Variants in DGLUCY observed in about 807,000 individuals in gnomAD.
DGLUCY encodes D-glutamate cyclase.
DGLUCY carries 58 observed loss-of-function variants against 58.5 expected under a neutral mutation model. The observed-to-expected ratio is 0.99, with a 90% confidence interval of 0.80 to 1.23. The LOEUF is 1.23. Ranked by LOEUF, DGLUCY falls within the 50% of genes most tolerant of loss-of-function variation. The probability of loss-of-function intolerance (pLI) is 0.00; values close to 1 mark genes in which losing one functional copy is unlikely to be tolerated. For synonymous variants in DGLUCY, 325 were observed against 314.1 expected (o/e 1.03, Z -0.37); for missense variants, 779 against 784.7 (o/e 0.99, Z 0.09).
chr14:91,180,478 G>A (rs1455979322), intron 7 of DGLUCY, among the ~76,000 whole-genome samples: 5 of 150,910 alleles, frequency 3.3e-5, no homozygotes, highest in Admixed American at 1.3e-4. Flanking sequence ...AGGCTGAGGC[G>A]GGAGAGTCGC....
At chr14:91,062,604 TATATATA>T (rs1264763527) in intron 1 of DGLUCY, among the ~76,000 whole-genome samples, 398 of 30,618 alleles carry the variant, frequency 0.013, 55 homozygotes, top group African/African-American at 0.023. Context: ...TATATATATA[TATATATA>T]AACAATCCTT....
At chr14:91,082,390 C>T (rs557826359) in intron 1 of DGLUCY, among the ~76,000 whole-genome samples, 1 of 152,266 alleles carries the variant, frequency 6.6e-6, no homozygotes, top group Admixed American at 6.5e-5. Context: ...TGTTTGGAGG[C>T]CTTATCGAAA....
In DGLUCY at chr14:91,167,325, G is replaced by C. The variant is rs1480079132; in HGVS notation, c.204G>C (p.Gln68His). Reference sequence around the variant, plus strand: ...CTGGTCCTCTACCCCTGCTGGGCCAGAGTGAGCCAGAAAAGTGGATGCTGC... The same window carrying C: ...CTGGTCCTCTACCCCTGCTGGGCCACAGTGAGCCAGAAAAGTGGATGCTGC... The part of the protein sequence containing the change: ...VNTGPLPLLG[Q>H]SEPEKWMLPP... The change falls in exon 4 of 14, where the codon CAG (glutamine) becomes CAC (histidine). Residue 68 changes from glutamine (Q) to histidine (H), a missense_variant. By Grantham distance (24) the Gln-to-His change is conservative. Coordinates refer to ENST00000256324, the MANE Select transcript of DGLUCY (RefSeq NM_001102368.3). The C allele has an allele frequency of 1.2e-6, 2 of 1,613,930 alleles. No individual in the cohort carries two copies. The highest frequency in any genetic ancestry group is 1.7e-6 in the Non-Finnish European group (2 of 1,179,990).
chr14:91,138,313 G>A (rs2046455129), intron 1 of DGLUCY, among the ~76,000 whole-genome samples: 1 of 152,156 alleles, frequency 6.6e-6, no homozygotes, highest in South Asian at 2.1e-4. Context: ...CCAACATGGA[G>A]AAACCCCATC....
chr14:91,210,237 T>TG (rs1372066699), intron 12 of DGLUCY, among the ~76,000 whole-genome samples: 1 of 151,980 alleles, frequency 6.6e-6, no homozygotes, highest in Non-Finnish European at 1.5e-5. Context: ...AAAAAGTTGA[T>TG]GGGGGGGAGC....
chr14:91,091,084 A>G (rs1317398668), intron 1 of DGLUCY: 1 of 152,256 alleles, frequency 6.6e-6, no homozygotes, highest in Non-Finnish European at 1.5e-5. Context: ...GTCCAGTGTT[A>G]CAACTCTTTT....
At chr14:91,164,538 T>C (rs1441677487) in intron 3 of DGLUCY, among the ~76,000 whole-genome samples, 5 of 152,234 alleles carry the variant, frequency 3.3e-5, no homozygotes, top group Non-Finnish European at 5.9e-5. Context: ...CTGTTTCTGC[T>C]TTAGGGGGCA....
intron 1 of DGLUCY, among the ~76,000 whole-genome samples, chr14:91,089,689 C>T (rs1307214665): frequency 5.3e-5 from 8 of 151,762 alleles, no homozygotes; most frequent in East Asian, 3.9e-4. Context: ...GGCATAGTGG[C>T]GCATGCCTAT....
At chr14:91,204,600 CT>C in intron 11 of DGLUCY, 105 bp from the exon 12 acceptor site, 1 of 1,455,496 alleles carries the variant, frequency 6.9e-7, no homozygotes, top group Non-Finnish European at 9.3e-7. Context: ...CAGAGCCAAC[CT>C]TTTTGCCCTC....
At chr14:91,147,524 C>A (rs1018573479) in intron 1 of DGLUCY, among the ~76,000 whole-genome samples, 2 of 152,178 alleles carry the variant, frequency 1.3e-5, no homozygotes, top group Non-Finnish European at 2.9e-5. Flanking sequence ...CTTACATAAC[C>A]ATCTCTGCAA....
At chr14:91,081,582 G>A (rs1057064334) in intron 1 of DGLUCY, among the ~76,000 whole-genome samples, 2 of 152,112 alleles carry the variant, frequency 1.3e-5, no homozygotes, top group Admixed American at 1.3e-4. Context: ...TCGAGGCATC[G>A]GTAGGGCTGT....
At position 91,068,069 on chromosome 14, in the gene DGLUCY, A is replaced by ACGCGCG. The variant is rs1383755665; in HGVS notation, c.-82+7366_-82+7367insGCGCGC. Reference sequence around the variant, plus strand: ...AATGTACTGGCGCGTGCACACACACACACGCGCACGCACACACACACACAC... The same window carrying ACGCGCG: ...AATGTACTGGCGCGTGCACACACACACGCGCGCACGCGCACGCACACACACACACAC... On this transcript the variant is annotated intron_variant, in intron 1 of 4. Transcript: ENST00000521334. Among the ~76,000 whole-genome samples the ACGCGCG allele has an allele frequency of 2.9e-3, 301 of 102,248 alleles. 1 individual carries two copies. Among genetic ancestry groups the ACGCGCG allele is most frequent in the Non-Finnish European group, 4.6e-3 (238 of 51,922 alleles). 67.1% of individuals were successfully genotyped at this position (102,248 alleles called of 152,430 possible).
At chr14:91,188,008 G>A (rs556868789) in intron 8 of DGLUCY, among the ~76,000 whole-genome samples, 1 of 152,214 alleles carries the variant, frequency 6.6e-6, no homozygotes, top group African/African-American at 2.4e-5. Flanking sequence ...TGTTTTCCCT[G>A]TATTAGTTAG....
chr14:91,151,271 G>A (rs1044259227), intron 1 of DGLUCY, among the ~76,000 whole-genome samples: 4 of 152,086 alleles, frequency 2.6e-5, no homozygotes, highest in African/African-American at 7.2e-5. Flanking sequence ...ACGGAGTCTC[G>A]CTCTGTCGCC....
chr14:91,217,609 C>A (rs539565864), intron 13 of DGLUCY, among the ~76,000 whole-genome samples: 1 of 150,468 alleles, frequency 6.6e-6, no homozygotes, highest in African/African-American at 2.4e-5. Context: ...CTTAGCCTCT[C>A]GAGTAGCTGG....
At chr14:91,128,549 G>GT (rs1034967491) in intron 1 of DGLUCY, among the ~76,000 whole-genome samples, 3 of 152,158 alleles carry the variant, frequency 2.0e-5, no homozygotes, top group Admixed American at 2.0e-4. Context: ...AAAGGGGATT[G>GT]TATTAGCCTA....
At chr14:91,168,277 TATAAA>T (rs987936055) in intron 4 of DGLUCY, among the ~76,000 whole-genome samples, 2 of 151,486 alleles carry the variant, frequency 1.3e-5, no homozygotes, top group Non-Finnish European at 2.9e-5. Context: ...AATATATATA[TATAAA>T]ATAAAATAAA....
chr14:91,073,743 A>G (rs1334844158), intron 1 of DGLUCY, among the ~76,000 whole-genome samples: 1 of 152,130 alleles, frequency 6.6e-6, no homozygotes, highest in Admixed American at 6.6e-5. Context: ...CCAACAACCA[A>G]CAAGGAAACA....
intron 9 of DGLUCY, among the ~76,000 whole-genome samples, chr14:91,190,909 G>C (rs959744855): frequency 1.3e-5 from 2 of 152,184 alleles, no homozygotes; most frequent in Non-Finnish European, 2.9e-5. Flanking sequence ...ACGGGAGACT[G>C]GTGAGTTATG....
Sources: gnomAD v4.1 joint callset for allele counts (sites outside exome capture counted in the v4.1 genomes callset) on GRCh38, gnomAD v4.1.1 for gene constraint, MANE v1.5 for transcripts, NCBI Gene and HGNC (gene_info 2026-07-23, HGNC 2026-07-21) for gene names.